Variants in ZNF304 observed in about 807,000 individuals in gnomAD.
ZNF304 encodes zinc finger protein 304, also known as KRAB-containing zinc finger protein.
Under a neutral mutation model 7.8 loss-of-function variants are expected in ZNF304, and 7 were observed. The ratio of observed to expected loss-of-function variants is 0.90; its 90% CI spans 0.51 to 1.69. The LOEUF (loss-of-function observed/expected upper bound fraction) is 1.69. ZNF304 is among the 40% of genes most tolerant of loss of function. The pLI is 0.00. For missense variants in ZNF304, 669 were observed against 804.8 expected, an observed-to-expected ratio of 0.83 and a Z score of 2.04; for synonymous variants, 280 against 272.4, an observed-to-expected ratio of 1.03 and a Z score of -0.27.
Position 57,353,671 on chromosome 19 carries a change from G to T in ZNF304, c.34-54G>T, listed in dbSNP as rs2088301677. The T allele has an allele frequency of 1.3e-5, 20 of 1,557,082 alleles. No homozygotes were observed. In the South Asian group the frequency reaches 2.0e-4, roughly 15 times the overall value. On this transcript the variant is annotated intron_variant, in intron 1 of 2. Transcript: ENST00000282286. The stretch of plus-strand genomic sequence containing the variant: ...GTGTGAGTGTGTAGACTGGGGAGGA[G>T]GGGGTTCTGGGGAGAGATGCTGACT...
intron 2 of ZNF304, among the ~76,000 whole-genome samples, chr19:57,355,700 G>A (rs993116625): frequency 5.9e-5 from 9 of 152,076 alleles, no homozygotes; most frequent in South Asian, 2.1e-4. Flanking sequence ...TCAGATTTTC[G>A]TGGGCATGGA....
Position 57,353,866 on chromosome 19 carries a change from T to TA in ZNF304, c.160+16dup, listed in dbSNP as rs768892751. 4 of 1,556,690 alleles carry TA rather than the reference T, an allele frequency of 2.6e-6. No individual in the cohort carries two copies. Among genetic ancestry groups the TA allele is most frequent in the Non-Finnish European group, 3.5e-6 (4 of 1,149,876 alleles). ...GGCTACACTAGGTAAGTCTGTGTTT[T>TA]AGTTATCTAATGCTACATGGCAAAT... On this transcript the variant is annotated intron_variant, in intron 2 of 2. Coordinates refer to ENST00000282286, the MANE Select transcript of ZNF304 (RefSeq NM_020657.4).
Position 57,358,227 on chromosome 19 carries a change from T to G in ZNF304, c.*378T>G, listed in dbSNP as rs1450940863. Reference sequence around the variant, plus strand: ...TCCCTACAGGTAATCATGAATATTTTCAAGGACTTCCCCCCCCCCCCACTT... The same window carrying G: ...TCCCTACAGGTAATCATGAATATTTGCAAGGACTTCCCCCCCCCCCCACTT... On this transcript the variant is annotated 3_prime_UTR_variant, in exon 3 of 3. Coordinates refer to ENST00000282286, the MANE Select transcript of ZNF304 (RefSeq NM_020657.4). The G allele has an allele frequency of 1.2e-5, 2 of 164,276 alleles. No homozygotes were observed. Among genetic ancestry groups the G allele is most frequent in the Non-Finnish European group, 2.6e-5 (2 of 77,276 alleles). 10.2% of individuals were successfully genotyped at this position (164,276 alleles called of 1,614,324 possible). A position where few individuals can be genotyped will look rare whatever the true frequency, so the allele number is the denominator to read the frequency against.
rs950145317 is a variant in ZNF304, at chr19:57,356,706, T to C, written c.837T>C (p.His279=). The C allele has an allele frequency of 6.2e-7, 1 of 1,614,208 alleles. No homozygotes were observed. Among genetic ancestry groups the C allele is most frequent in the Non-Finnish European group, 8.5e-7 (1 of 1,180,026 alleles). ...AAATCCACAGTGGAGAAATATCTCA[T>C]GTGTGTAAGGAGTGTGGAAAAGCCT... The part of the protein sequence containing the change: ...HRKIHSGEIS[H]VCKECGKAFI... The change falls in exon 3 of 3, where the codon CAT becomes CAC. Residue 279 remains histidine (H), a synonymous_variant. Transcript: ENST00000282286.
rs1202645393 is a variant in ZNF304, at chr19:57,356,548, G to C, written c.679G>C (p.Asp227His). The change falls in exon 3 of 3, where the codon GAT becomes CAT. Residue 227 changes from aspartate to histidine, a missense_variant. Asp to His is a moderately conservative substitution (Grantham distance 81). Transcript: ENST00000282286. ...TGGACAGATGCTTTTCAGTTGCGGT[G>C]ATGAAGGGAAAGCCTTCCTGGACAC... is the stretch of plus-strand genomic sequence containing the variant. ...YDGQMLFSCG[D>H]EGKAFLDTFT... is the part of the protein sequence containing the mutation. 1 of 1,614,196 alleles carries C rather than the reference G, an allele frequency of 6.2e-7. No individual in the cohort carries two copies.
chr19:57,352,121 C>T (rs1475333675), intron 1 of ZNF304: 2 of 178,958 alleles, frequency 1.1e-5, no homozygotes, highest in Admixed American at 1.2e-4. Context: ...ACGGGGAGAT[C>T]AAGATGAAGT....
In ZNF304 at chr19:57,356,328, A is replaced by G; in HGVS notation, c.459A>G (p.Ser153=). ...NCFRGDDGGA[S]FVKSCTVHML... is the part of the protein sequence containing the mutation. ...TCAGAGGGGATGATGGAGGGGCCTC[A>G]TTTGTGAAGAGCTGTACAGTCCACA... is the stretch of plus-strand genomic sequence containing the variant. The change falls in exon 3 of 3, where the codon TCA becomes TCG. Residue 153 remains serine (S), a synonymous_variant. Coordinates refer to ENST00000282286, the MANE Select transcript of ZNF304 (RefSeq NM_020657.4). The G allele has an allele frequency of 6.2e-7, 1 of 1,614,186 alleles. No homozygotes were observed. The highest frequency in any genetic ancestry group is 8.5e-7 in the Non-Finnish European group (1 of 1,180,026).
At chr19:57,353,677 T>C in intron 1 of ZNF304, 48 bp from the exon 2 acceptor site, 1 of 1,560,300 alleles carries the variant, frequency 6.4e-7, no homozygotes, top group Admixed American at 1.8e-5. Flanking sequence ...AGGAGGGGGT[T>C]CTGGGGAGAG....
At position 57,351,298 on chromosome 19, in the gene ZNF304, T is replaced by G; in HGVS notation, c.-367T>G. 1.5e-5 allele frequency: 4 copies of G among 268,748 alleles called. No homozygotes were observed. Among genetic ancestry groups the G allele is most frequent in the Admixed American group, 5.1e-5 (1 of 19,798 alleles). The allele number at this position is 268,748 out of a possible 1,614,324, so 16.6% of individuals were successfully genotyped here. A position where few individuals can be genotyped will look rare whatever the true frequency, so the allele number is the denominator to read the frequency against. ...ATTTTTCCTATGCCCGGTCCGTGCA[T>G]TCTGGTTGTGAAGGCTGAGTTCTAG... On this transcript the variant is annotated 5_prime_UTR_variant, in exon 1 of 3. Coordinates refer to ENST00000282286, the MANE Select transcript of ZNF304 (RefSeq NM_020657.4). The surrounding 1 kb of genome is among the most constrained non-coding windows in gnomAD (Gnocchi z 4.1).
Position 57,351,823 on chromosome 19 carries a change from A to C in ZNF304, c.33+126A>C. On this transcript the variant is annotated intron_variant, in intron 1 of 2. Coordinates refer to ENST00000282286, the MANE Select transcript of ZNF304 (RefSeq NM_020657.4). This position sits in a 1 kb window ranked among gnomAD's most constrained non-coding sequence, Gnocchi z 4.1. ...GTGGAGGGGTTCCGCTCCCCTCATC[A>C]GTGGCATAAGGTGTGGAACGGACTC... 1 of 1,066,576 alleles carries C rather than the reference A, an allele frequency of 9.4e-7. No homozygotes were observed. The highest frequency in any genetic ancestry group is 1.6e-5 in the African/African-American group (1 of 62,610). The allele number at this position is 1,066,576 out of a possible 1,614,324, so 66.1% of individuals were successfully genotyped here.
chr19:57,358,016 C>T lies in ZNF304; in HGVS notation c.*167C>T, dbSNP rs1387907262. ...TATTCATTCCACCCTGGGGAGATTC[C>T]TGATAAGCACCACATATGTGGGAGG... On this transcript the variant is annotated 3_prime_UTR_variant, in exon 3 of 3. Transcript: ENST00000282286. 1.2e-6 allele frequency: 1 copy of T among 805,160 alleles called. No individual in the cohort carries two copies. Among genetic ancestry groups the T allele is most frequent in the African/African-American group, 1.7e-5 (1 of 57,674 alleles). 49.9% of individuals were successfully genotyped at this position (805,160 alleles called of 1,614,324 possible). A position where few individuals can be genotyped will look rare whatever the true frequency, so the allele number is the denominator to read the frequency against.
chr19:57,354,339 C>G (rs536829863), intron 2 of ZNF304, among the ~76,000 whole-genome samples: 5 of 152,164 alleles, frequency 3.3e-5, no homozygotes, highest in Admixed American at 6.5e-5. Context: ...GCTTTTGGCT[C>G]TCATGAAGTT....
chr19:57,355,572 T>A (rs560040605), intron 2 of ZNF304, among the ~76,000 whole-genome samples: 1 of 152,362 alleles, frequency 6.6e-6, no homozygotes, highest in East Asian at 1.9e-4. Flanking sequence ...ATCCTTTGGG[T>A]GTTTTCCCAC....
intron 2 of ZNF304, among the ~76,000 whole-genome samples, chr19:57,354,382 A>C (rs1033671298): frequency 2.0e-5 from 3 of 152,190 alleles, no homozygotes; most frequent in African/African-American, 7.2e-5. Context: ...TTGTGGTCTT[A>C]CCTGAGAAGA....
chr19:57,351,797 T>A lies in ZNF304; in HGVS notation c.33+100T>A. 1 of 1,340,742 alleles carries A rather than the reference T, an allele frequency of 7.5e-7. No individual in the cohort carries two copies. The highest frequency in any genetic ancestry group is 1.4e-5 in the South Asian group (1 of 73,932). The allele number at this position is 1,340,742 out of a possible 1,614,324, so 83.1% of individuals were successfully genotyped here. A position where few individuals can be genotyped will look rare whatever the true frequency, so the allele number is the denominator to read the frequency against. On this transcript the variant is annotated intron_variant, in intron 1 of 2. Coordinates refer to ENST00000282286, the MANE Select transcript of ZNF304 (RefSeq NM_020657.4). The surrounding 1 kb of genome is among the most constrained non-coding windows in gnomAD (Gnocchi z 4.1). Reference sequence around the variant, plus strand: ...TCAGGGTGCTCACTCCGTCGCATTATGTGGAGGGGTTCCGCTCCCCTCATC... The same window carrying A: ...TCAGGGTGCTCACTCCGTCGCATTAAGTGGAGGGGTTCCGCTCCCCTCATC...
At chr19:57,353,696 T>A in intron 1 of ZNF304, 29 bp from the exon 2 acceptor site, 1 of 1,584,536 alleles carries the variant, frequency 6.3e-7, no homozygotes, top group Non-Finnish European at 8.6e-7. Context: ...AGATGCTGAC[T>A]GTGGACTCAG....
At chr19:57,355,982 C>T in intron 2 of ZNF304, 48 bp from the exon 3 acceptor site, 1 of 1,556,036 alleles carries the variant, frequency 6.4e-7, no homozygotes, top group Non-Finnish European at 8.7e-7. Flanking sequence ...GGGCTGCTGC[C>T]TCCCACCAAA....
chr19:57,351,399 C>T lies in ZNF304; in HGVS notation c.-266C>T. Reference sequence around the variant, plus strand: ...CAGTGAAGACTGCAGGACCTTCCTTCGCGCTTTTGTTACAATCCATGACCC... The same window carrying T: ...CAGTGAAGACTGCAGGACCTTCCTTTGCGCTTTTGTTACAATCCATGACCC... On this transcript the variant is annotated 5_prime_UTR_variant, in exon 1 of 3. Coordinates refer to ENST00000282286, the MANE Select transcript of ZNF304 (RefSeq NM_020657.4). This position sits in a 1 kb window ranked among gnomAD's most constrained non-coding sequence, Gnocchi z 4.1. 3.6e-6 allele frequency: 2 copies of T among 548,970 alleles called. No individual in the cohort carries two copies. Among genetic ancestry groups the T allele is most frequent in the Non-Finnish European group, 6.5e-6 (2 of 308,874 alleles). The allele number at this position is 548,970 out of a possible 1,614,324, so 34.0% of individuals were successfully genotyped here.
intron 1 of ZNF304, chr19:57,352,130 G>A (rs1195760751): frequency 1.7e-5 from 3 of 173,958 alleles, no homozygotes; most frequent in Admixed American, 1.2e-4. Flanking sequence ...TCAAGATGAA[G>A]TCTACTGAAA....
Sources: allele counts gnomAD v4.1 joint callset (sites outside exome capture counted in the v4.1 genomes callset), GRCh38; gene constraint gnomAD v4.1.1; non-coding constraint Gnocchi (gnomAD v3.1); transcripts MANE v1.5; gene names NCBI Gene and HGNC (gene_info 2026-07-23, HGNC 2026-07-21).